SCD5: variants seen among roughly 807,000 people sequenced by gnomAD.
The protein encoded by SCD5 is stearoyl-CoA desaturase 5, also known as acyl-CoA-desaturase 4.
SCD5 carries 20 observed loss-of-function variants against 30.4 expected under a neutral mutation model. The observed-to-expected ratio is 0.66, with a 90% CI of 0.46 to 0.96. The LOEUF is 0.96. Ranked by LOEUF, SCD5 falls within the 40% of genes least tolerant of loss-of-function variation. SCD5 has a pLI of 0.00. For synonymous variants in SCD5, 173 were observed against 176.4 expected (o/e 0.98, Z 0.16); for missense variants, 381 against 443.3 (o/e 0.86, Z 1.26).
chr4:82,633,319 T>C (rs1727360355), intron 4 of SCD5, among the ~76,000 whole-genome samples: 1 of 152,250 alleles, frequency 6.6e-6, no homozygotes, highest in Non-Finnish European at 1.5e-5. Context: ...GGATTTTCTC[T>C]TTTTTAAGGC....
chr4:82,742,802 G>A (rs1018903956), intron 1 of SCD5, among the ~76,000 whole-genome samples: 1 of 152,094 alleles, frequency 6.6e-6, no homozygotes, highest in African/African-American at 2.4e-5. Flanking sequence ...TATATGTCCA[G>A]ACAATTACAG....
chr4:82,785,627 T>C (rs942064361), intron 1 of SCD5, among the ~76,000 whole-genome samples: 1 of 152,224 alleles, frequency 6.6e-6, no homozygotes, highest in African/African-American at 2.4e-5. Context: ...TGCTAGTCTG[T>C]CTTTTGCTGC....
chr4:82,736,594 G>A (rs1271351233), intron 1 of SCD5, among the ~76,000 whole-genome samples: 1 of 131,388 alleles, frequency 7.6e-6, no homozygotes, highest in Non-Finnish European at 1.7e-5. Flanking sequence ...GGGGACAAGA[G>A]TGAGACTTTG....
intron 3 of SCD5, among the ~76,000 whole-genome samples, chr4:82,648,269 C>G (rs1427276379): frequency 6.6e-6 from 1 of 152,236 alleles, no homozygotes; most frequent in African/African-American, 2.4e-5. Context: ...CACATGCAAA[C>G]TTCTGGATTG....
At chr4:82,743,663 A>G (rs1205270975) in intron 1 of SCD5, among the ~76,000 whole-genome samples, 1 of 152,102 alleles carries the variant, frequency 6.6e-6, no homozygotes, top group Non-Finnish European at 1.5e-5. Context: ...CTGGGACTAC[A>G]GGCACGTGCC....
At chr4:82,793,040 G>C (rs1722132436) in intron 1 of SCD5, among the ~76,000 whole-genome samples, 1 of 152,204 alleles carries the variant, frequency 6.6e-6, no homozygotes, top group African/African-American at 2.4e-5. Flanking sequence ...GGGTCTAGCT[G>C]CAATCCAGGC....
chr4:82,713,798 T>C (rs1471326839), intron 1 of SCD5, among the ~76,000 whole-genome samples: 1 of 152,198 alleles, frequency 6.6e-6, no homozygotes, highest in Non-Finnish European at 1.5e-5. Context: ...CCCCGATCCA[T>C]ATGCGGTCCC....
At chr4:82,710,528 G>A (rs1234252785) in intron 1 of SCD5, among the ~76,000 whole-genome samples, 1 of 152,150 alleles carries the variant, frequency 6.6e-6, no homozygotes. Flanking sequence ...CTGTGGCTCA[G>A]GGTGTGCAGT....
intron 1 of SCD5, among the ~76,000 whole-genome samples, chr4:82,751,549 T>C (rs1455584340): frequency 1.3e-5 from 2 of 152,232 alleles, no homozygotes; most frequent in Non-Finnish European, 2.9e-5. Context: ...ATATATGCTG[T>C]TTTAAAGTTA....
At position 82,692,833 on chromosome 4, in the gene SCD5, A is replaced by G. The variant is rs1047002329; in HGVS notation, c.364-11921T>C. 3.3e-5 allele frequency among the ~76,000 whole-genome samples: 5 copies of G among 152,230 alleles called. No individual in the cohort carries two copies. The South Asian group carries it at 6.2e-4, about 19-fold the overall frequency. ...CAGCAGCCCTCAGGAACCTTCTCCA[A>G]TCTTATTCAAATCCTGGCCCCAACC... On this transcript the variant is annotated intron_variant, in intron 2 of 4. Transcript: ENST00000319540.
chr4:82,775,988 A>C (rs1352996520), intron 1 of SCD5: 1 of 152,570 alleles, frequency 6.6e-6, no homozygotes, highest in Admixed American at 6.5e-5. Context: ...TGCCATCCAC[A>C]GCAAGGTAGT....
At chr4:82,699,065 G>A (rs769070045) in intron 2 of SCD5, among the ~76,000 whole-genome samples, 5 of 152,106 alleles carry the variant, frequency 3.3e-5, no homozygotes, top group East Asian at 1.9e-4. Context: ...GCAGGGGTCC[G>A]CAACCCCCGG....
chr4:82,718,081 T>A (rs201352020), intron 1 of SCD5, among the ~76,000 whole-genome samples: 16,796 of 84,418 alleles, frequency 0.2, 1,137 homozygotes, highest in African/African-American at 0.31. Flanking sequence ...CCTTTTTTTT[T>A]TAAAAAAAAA....
At chr4:82,662,582 G>A (rs1454683370) in intron 3 of SCD5, among the ~76,000 whole-genome samples, 3 of 151,694 alleles carry the variant, frequency 2.0e-5, no homozygotes, top group Non-Finnish European at 4.4e-5. Context: ...AGATGGGGCC[G>A]GGTATGGTGG....
chr4:82,670,401 C>T (rs769033517), intron 3 of SCD5, among the ~76,000 whole-genome samples: 6 of 152,012 alleles, frequency 3.9e-5, no homozygotes, highest in Non-Finnish European at 5.9e-5. Flanking sequence ...TATAAGTAGA[C>T]TGGACATGGT....
At chr4:82,735,594 A>G (rs1303419240) in intron 1 of SCD5, among the ~76,000 whole-genome samples, 1 of 152,226 alleles carries the variant, frequency 6.6e-6, no homozygotes, top group Non-Finnish European at 1.5e-5. Flanking sequence ...TTTCAACTGC[A>G]TGGTGGAAGG....
intron 1 of SCD5, among the ~76,000 whole-genome samples, chr4:82,712,277 TATATATATATATATATATATTTTA>T (rs1720118507): frequency 3.5e-4 from 17 of 48,940 alleles, no homozygotes; most frequent in African/African-American, 1.8e-3. Context: ...TATATATATA[TATATATATATATATATATATTTTA>T]TTTTTATTTT....
At chr4:82,731,630 T>C (rs1666807936) in intron 1 of SCD5, among the ~76,000 whole-genome samples, 1 of 152,212 alleles carries the variant, frequency 6.6e-6, no homozygotes, top group African/African-American at 2.4e-5. Flanking sequence ...TCGCAGAGTA[T>C]CTGCATCCCA....
At position 82,636,772 on chromosome 4, in the gene SCD5, C is replaced by A. The variant is rs141487559; in HGVS notation, c.621G>T (p.Val207=). 3.7e-6 allele frequency: 6 copies of A among 1,614,112 alleles called. No individual in the cohort carries two copies. In the African/African-American group the frequency reaches 5.3e-5, roughly 14 times the overall value. ...GACTCTCTCCCCAGATGTACCAGGGCACCAGCGTGGGGACCACAAAGCACA... is the reference window on the plus strand; with the variant it reads ...GACTCTCTCCCCAGATGTACCAGGGAACCAGCGTGGGGACCACAAAGCACA... The part of the protein sequence containing the change: ...VLMCFVVPTL[V]PWYIWGESLW... The change falls in exon 4 of 5, where the codon GTG becomes GTT. Residue 207 remains valine, a synonymous_variant. Transcript: ENST00000319540.
Sources: allele counts gnomAD v4.1 joint callset (sites outside exome capture counted in the v4.1 genomes callset), GRCh38; gene constraint gnomAD v4.1.1; transcripts MANE v1.5; gene names NCBI Gene and HGNC (gene_info 2026-07-23, HGNC 2026-07-21).